Variants in GABRA3 observed in about 807,000 individuals in gnomAD.
GABRA3 encodes the protein gamma-aminobutyric acid receptor subunit alpha-3.
In GABRA3, 10 loss-of-function variants were observed where a neutral mutation model predicts 30.1. That is an observed-to-expected ratio of 0.33 (90% CI 0.20 to 0.56). GABRA3 has a LOEUF of 0.56. Ranked by LOEUF, GABRA3 falls within the 20% of genes least tolerant of loss-of-function variation. The probability of loss-of-function intolerance (pLI) is 0.89; values close to 1 mark genes in which losing one functional copy is unlikely to be tolerated. For synonymous variants in GABRA3, 151 were observed against 146.8 expected (o/e 1.03, Z -0.21); for missense variants, 233 against 392.0 (o/e 0.59, Z 3.42).
intron 1 of GABRA3, among the ~76,000 whole-genome samples, chrX:152,383,547 T>C (rs1297415461): frequency 9.1e-6 from 1 of 110,041 alleles, no homozygotes. Flanking sequence ...CTGGCATTTA[T>C]GTCTACTAGA....
intron 3 of GABRA3, among the ~76,000 whole-genome samples, chrX:152,337,061 ATT>A (rs55999258): frequency 9.0e-6 from 1 of 110,947 alleles, no homozygotes; most frequent in African/African-American, 3.3e-5. Context: ...AAGATAAAAT[ATT>A]TTTTTATAAA....
At chrX:152,246,172 T>C (rs1938457890) in intron 5 of GABRA3, among the ~76,000 whole-genome samples, 1 of 111,202 alleles carries the variant, frequency 9.0e-6, no homozygotes, top group Non-Finnish European at 1.9e-5. Context: ...TACAACAGAG[T>C]TTCTACTCTG....
At chrX:152,200,310 T>C (rs905399534) in intron 7 of GABRA3, among the ~76,000 whole-genome samples, 9 of 111,766 alleles carry the variant, frequency 8.1e-5, no homozygotes, top group Non-Finnish European at 1.5e-4. Context: ...CTCTACCCAC[T>C]CCCTTGTACC....
intron 1 of GABRA3, among the ~76,000 whole-genome samples, chrX:152,372,896 T>C (rs1489692623): frequency 8.9e-6 from 1 of 112,050 alleles, no homozygotes; most frequent in African/African-American, 3.2e-5. Flanking sequence ...CCATATATTA[T>C]GCAACTGAGA....
intron 4 of GABRA3, 121 bp from the exon 5 acceptor site, chrX:152,256,119 T>G: frequency 2.0e-6 from 1 of 502,159 alleles, no homozygotes. Flanking sequence ...AGCAGTCTAT[T>G]AACAGTAGCT....
chrX:152,444,515 C>T (rs1166925418), intron 1 of GABRA3, among the ~76,000 whole-genome samples: 2 of 111,026 alleles, frequency 1.8e-5, no homozygotes, highest in Non-Finnish European at 3.8e-5. Context: ...TGTCTGTTAT[C>T]TGGTGGTGTT....
chrX:152,326,714 T>C (rs901115366), intron 3 of GABRA3, among the ~76,000 whole-genome samples: 1 of 111,100 alleles, frequency 9.0e-6, no homozygotes. Context: ...GCACTAAACA[T>C]GGAAAGGAAC....
chrX:152,298,535 C>G (rs950034030), intron 3 of GABRA3, among the ~76,000 whole-genome samples: 1 of 110,261 alleles, frequency 9.1e-6, no homozygotes, highest in Non-Finnish European at 1.9e-5. Context: ...TCATCCATGT[C>G]CCTACAAAGG....
intron 4 of GABRA3, among the ~76,000 whole-genome samples, chrX:152,268,840 G>A (rs1250153536): frequency 5.4e-5 from 6 of 111,926 alleles, no homozygotes; most frequent in Non-Finnish European, 1.9e-5. Flanking sequence ...AAAGTGCTGA[G>A]ATTGCAGGCA....
chrX:152,190,456 A>G (rs1937309266), intron 8 of GABRA3, among the ~76,000 whole-genome samples: 1 of 111,181 alleles, frequency 9.0e-6, no homozygotes, highest in Non-Finnish European at 1.9e-5. Flanking sequence ...ATGGAGATTC[A>G]AGTTCACCTC....
intron 1 of GABRA3, among the ~76,000 whole-genome samples, chrX:152,426,599 T>C (rs746795254): frequency 8.9e-6 from 1 of 111,764 alleles, no homozygotes; most frequent in South Asian, 3.8e-4. Flanking sequence ...GAAAATCAGT[T>C]TCTCCAAACA....
At chrX:152,428,706 G>GA (rs1298923515) in intron 1 of GABRA3, among the ~76,000 whole-genome samples, 1 of 111,644 alleles carries the variant, frequency 9.0e-6, no homozygotes, top group East Asian at 2.8e-4. Context: ...AAGTAAAGAT[G>GA]ACAGTGAGTT....
intron 4 of GABRA3, among the ~76,000 whole-genome samples, chrX:152,268,295 C>T (rs140017675): frequency 1.7e-3 from 186 of 111,549 alleles, no homozygotes; most frequent in African/African-American, 5.5e-3. Context: ...GGGAGGGACC[C>T]GGTAGAAGGT....
intron 1 of GABRA3, among the ~76,000 whole-genome samples, chrX:152,383,307 C>T (rs1190599919): frequency 1.0e-5 from 1 of 97,434 alleles, no homozygotes; most frequent in African/African-American, 3.8e-5. Context: ...GAGAATGATA[C>T]GAACCTGGGA....
At chrX:152,205,958 C>A (rs776021396) in intron 7 of GABRA3, among the ~76,000 whole-genome samples, 31 of 112,585 alleles carry the variant, frequency 2.8e-4, no homozygotes, top group Non-Finnish European at 4.7e-4. Flanking sequence ...AACATTTGCT[C>A]CTCCATGTAT....
At chrX:152,307,330 C>G (rs1422519105) in intron 3 of GABRA3, among the ~76,000 whole-genome samples, 2 of 111,696 alleles carry the variant, frequency 1.8e-5, no homozygotes, top group African/African-American at 6.5e-5. Flanking sequence ...ACTATCATAT[C>G]CATTATGGTA....
intron 1 of GABRA3, among the ~76,000 whole-genome samples, chrX:152,426,795 T>C (rs990285811): frequency 2.0e-4 from 23 of 112,239 alleles, no homozygotes; most frequent in African/African-American, 5.8e-4. Context: ...AACACTTAAC[T>C]ATCATATTTC....
At chrX:152,238,830 A>G (rs1314464460) in intron 5 of GABRA3, among the ~76,000 whole-genome samples, 1,312 of 107,419 alleles carry the variant, frequency 0.012, 28 homozygotes, top group Middle Eastern at 0.02. Context: ...CTGTGGGATC[A>G]GTGGTGATAT....
At chrX:152,308,734 G>T (rs1939756704) in intron 3 of GABRA3, among the ~76,000 whole-genome samples, 1 of 112,291 alleles carries the variant, frequency 8.9e-6, no homozygotes, top group African/African-American at 3.2e-5. Context: ...AACTCAAAAA[G>T]CCTGAGTGTT....
Sources: allele counts gnomAD v4.1 joint callset (sites outside exome capture counted in the v4.1 genomes callset), GRCh38; gene constraint gnomAD v4.1.1; transcripts MANE v1.5; gene names NCBI Gene and HGNC (gene_info 2026-07-23, HGNC 2026-07-21).